ADAMTSL1: variants seen among roughly 807,000 people sequenced by gnomAD.
ADAMTSL1 encodes the protein ADAMTS-like protein 1.
Under a neutral mutation model 201.8 loss-of-function variants are expected in ADAMTSL1, and 126 were observed. The observed-to-expected ratio is 0.62, with a 90% confidence interval of 0.54 to 0.72. The LOEUF is 0.72. Ranked by LOEUF, ADAMTSL1 falls within the 30% of genes least tolerant of loss-of-function variation. ADAMTSL1 has a pLI of 0.00. For missense variants in ADAMTSL1, 2,679 were observed against 2,277.8 expected (o/e 1.18, Z -3.59); for synonymous variants, 1,121 against 903.4 (o/e 1.24, Z -4.32).
intron 1 of ADAMTSL1, among the ~76,000 whole-genome samples, chr9:18,088,637 C>A (rs144072325): frequency 6.6e-6 from 1 of 152,082 alleles, no homozygotes; most frequent in African/African-American, 2.4e-5. Context: ...TGCTCAGTGT[C>A]GGTAATCATC....
intron 5 of ADAMTSL1, among the ~76,000 whole-genome samples, chr9:18,627,237 C>G (rs1826448332): frequency 6.6e-6 from 1 of 152,192 alleles, no homozygotes; most frequent in Admixed American, 6.5e-5. Context: ...CCACCTCAAC[C>G]TCCCAAAGTG....
At chr9:18,487,262 C>T (rs1234736857) in intron 1 of ADAMTSL1, among the ~76,000 whole-genome samples, 1 of 152,154 alleles carries the variant, frequency 6.6e-6, no homozygotes. Context: ...TTTAATCAGG[C>T]ATTGGAATCT....
At position 18,299,023 on chromosome 9, in the gene ADAMTSL1, AT is replaced by A. The variant is rs138732283; in HGVS notation, c.207+135043del. On this transcript the variant is annotated intron_variant, in intron 2 of 29. Coordinates refer to the ADAMTSL1 transcript ENST00000680146. ...CCAGACTCCGTCTCAAAAAAAAAAA[AT>A]AATAATAATAATAATAATAGCCGCC... 1.1e-3 allele frequency among the ~76,000 whole-genome samples: 144 copies of A among 131,756 alleles called. 2 individuals are homozygous for A. The highest frequency in any genetic ancestry group is 1.3e-3 in the Non-Finnish European group (77 of 59,806). 86.4% of individuals were successfully genotyped at this position (131,756 alleles called of 152,430 possible). A position where few individuals can be genotyped will look rare whatever the true frequency, so the allele number is the denominator to read the frequency against.
chr9:18,685,351 G>A (rs1830767036), intron 13 of ADAMTSL1, among the ~76,000 whole-genome samples: 1 of 152,170 alleles, frequency 6.6e-6, no homozygotes, highest in Non-Finnish European at 1.5e-5. Flanking sequence ...GTAAAACCGT[G>A]AGGCCCAGAT....
At chr9:18,241,279 T>C (rs933597717) in intron 2 of ADAMTSL1, among the ~76,000 whole-genome samples, 3 of 152,138 alleles carry the variant, frequency 2.0e-5, no homozygotes, top group Admixed American at 6.5e-5. Flanking sequence ...CATTATAGGG[T>C]CATTAATTGG....
intron 1 of ADAMTSL1, among the ~76,000 whole-genome samples, chr9:18,090,350 T>C (rs188884923): frequency 3.0e-4 from 45 of 152,308 alleles, no homozygotes; most frequent in African/African-American, 9.6e-4. Flanking sequence ...AAGCAACTCA[T>C]GTCCACTGAC....
intron 3 of ADAMTSL1, among the ~76,000 whole-genome samples, chr9:18,550,302 G>T (rs953289921): frequency 8.6e-5 from 13 of 151,862 alleles, no homozygotes; most frequent in African/African-American, 2.9e-4. Flanking sequence ...GTATATCCTG[G>T]AGTATTCAGG....
chr9:18,177,155 T>A (rs965564306), intron 2 of ADAMTSL1, among the ~76,000 whole-genome samples: 1 of 152,236 alleles, frequency 6.6e-6, no homozygotes, highest in Non-Finnish European at 1.5e-5. Flanking sequence ...TTACCAGTGC[T>A]GGCTAGTGTA....
chr9:18,603,448 G>T (rs1824802827), intron 4 of ADAMTSL1, among the ~76,000 whole-genome samples: 1 of 152,092 alleles, frequency 6.6e-6, no homozygotes, highest in African/African-American at 2.4e-5. Flanking sequence ...ATGCAGTATT[G>T]TTGGGTCCAT....
Position 18,549,526 on chromosome 9 carries a change from C to T in ADAMTSL1, c.237+16234C>T, listed in dbSNP as rs183504997. Among the ~76,000 whole-genome samples, 769 of 152,004 alleles carry T rather than the reference C, an allele frequency of 5.1e-3. 26 individuals are homozygous for T. The highest frequency in any genetic ancestry group is 0.046 in the Admixed American group (694 of 15,224). On this transcript the variant is annotated intron_variant, in intron 3 of 28. Transcript: ENST00000380548. ...GGCAAAAAGCAAAACAATGGTGATC[C>T]CCAAAGGGGTATGAGAGTGTGTATA... is the stretch of plus-strand genomic sequence containing the variant.
intron 28 of ADAMTSL1, chr9:18,907,145 G>A: frequency 1.8e-6 from 1 of 545,188 alleles, no homozygotes; most frequent in Non-Finnish European, 3.3e-6. Flanking sequence ...CTGGCCCTGA[G>A]AGAGCCAGGT....
chr9:18,792,630 C>T (rs1342043040), intron 19 of ADAMTSL1, among the ~76,000 whole-genome samples: 1 of 152,196 alleles, frequency 6.6e-6, no homozygotes, highest in Non-Finnish European at 1.5e-5. Flanking sequence ...ACTAAGCCTG[C>T]TTTCATTATT....
chr9:18,394,153 A>C (rs1475652747), intron 2 of ADAMTSL1, among the ~76,000 whole-genome samples: 1 of 149,404 alleles, frequency 6.7e-6, no homozygotes, highest in Non-Finnish European at 1.5e-5. Flanking sequence ...TTAAAAGTAC[A>C]ACTAGAACAA....
intron 27 of ADAMTSL1, 140 bp from the exon 28 acceptor site, chr9:18,906,552 A>G (rs747669810): frequency 2.2e-4 from 154 of 692,428 alleles, no homozygotes; most frequent in Non-Finnish European, 3.4e-4. Context: ...AACAGCACAG[A>G]AATCAGAATC....
At chr9:18,423,108 G>A (rs1230502473) in intron 2 of ADAMTSL1, among the ~76,000 whole-genome samples, 6 of 151,916 alleles carry the variant, frequency 3.9e-5, no homozygotes, top group African/African-American at 9.7e-5. Flanking sequence ...TAAATTTTCC[G>A]AGGCCTTTCG....
At chr9:18,877,221 AT>A (rs1198884184) in intron 23 of ADAMTSL1, among the ~76,000 whole-genome samples, 2 of 151,842 alleles carry the variant, frequency 1.3e-5, no homozygotes, top group Non-Finnish European at 2.9e-5. Flanking sequence ...AATAATTAAC[AT>A]TGTGAATTCT....
chr9:18,622,619 A>G lies in ADAMTSL1; in HGVS notation c.601+250A>G, dbSNP rs1037542873. The G allele has an allele frequency of 3.6e-5, 21 of 586,816 alleles. No individual in the cohort carries two copies. The African/African-American group carries it at 3.7e-4, about 10-fold the overall frequency. The allele number at this position is 586,816 out of a possible 1,614,324, so 36.4% of individuals were successfully genotyped here. On this transcript the variant is annotated intron_variant, in intron 5 of 28. Transcript: ENST00000380548. ...GGAGTGAACCAGACATGGGGCTACA[A>G]ATACTTTCTGTACAAACATGAGCTT...
intron 1 of ADAMTSL1, among the ~76,000 whole-genome samples, chr9:17,917,815 G>T (rs770056296): frequency 6.6e-6 from 1 of 151,922 alleles, no homozygotes; most frequent in Non-Finnish European, 1.5e-5. Context: ...TTTATTTGGT[G>T]TGAGAACTGT....
At chr9:17,912,882 C>G (rs12156554) in intron 1 of ADAMTSL1, among the ~76,000 whole-genome samples, 14,754 of 151,666 alleles carry the variant, frequency 0.097, 948 homozygotes, top group Middle Eastern at 0.16. Flanking sequence ...AGGAAGGGAT[C>G]CAGTTTCAGC....
Sources: allele counts gnomAD v4.1 joint callset (sites outside exome capture counted in the v4.1 genomes callset), GRCh38; gene constraint gnomAD v4.1.1; transcripts MANE v1.5; gene names NCBI Gene and HGNC (gene_info 2026-07-23, HGNC 2026-07-21).